The following SYNE1 variants were observed in gnomAD, a reference collection of about 807,000 sequenced individuals.
SYNE1 encodes spectrin repeat containing nuclear envelope protein 1.
SYNE1 carries 616 observed loss-of-function variants against 1,111.0 expected under a neutral mutation model. The ratio of observed to expected loss-of-function variants is 0.55; its 90% CI spans 0.52 to 0.59. SYNE1 has a LOEUF of 0.59. Among genes scored for constraint, SYNE1 ranks in the 20% least tolerant of loss-of-function variants. The pLI, the probability that SYNE1 is intolerant of heterozygous loss-of-function variation, is 0.00. For synonymous variants in SYNE1, 3,855 were observed against 3,825.8 expected (o/e 1.01, Z -0.28); for missense variants, 10,006 against 10,417.0 (o/e 0.96, Z 1.72).
intron 13 of SYNE1, among the ~76,000 whole-genome samples, chr6:152,484,155 T>G (rs1332220634): frequency 6.6e-6 from 1 of 151,666 alleles, no homozygotes; most frequent in East Asian, 1.9e-4. Flanking sequence ...GAAGCTGCAG[T>G]GAGCTGTGAT....
intron 14 of SYNE1, among the ~76,000 whole-genome samples, chr6:152,479,179 G>A (rs547083333): frequency 6.6e-6 from 1 of 152,196 alleles, no homozygotes; most frequent in East Asian, 1.9e-4. Context: ...TTGGGTGTAG[G>A]ACAGGATCCT....
intron 3 of SYNE1, among the ~76,000 whole-genome samples, chr6:152,551,551 A>T (rs950894743): frequency 5.9e-5 from 9 of 152,228 alleles, no homozygotes; most frequent in African/African-American, 2.2e-4. Flanking sequence ...AACAGGAATC[A>T]AAAAGAATTA....
At chr6:152,172,495 A>C (rs1032051481) in intron 130 of SYNE1, among the ~76,000 whole-genome samples, 6 of 152,180 alleles carry the variant, frequency 3.9e-5, no homozygotes, top group Non-Finnish European at 7.4e-5. Context: ...CCCTGCCCCC[A>C]AATCATCACA....
chr6:152,301,717 C>T, intron 92 of SYNE1, 152 bp downstream of exon 92: 4 of 799,078 alleles, frequency 5.0e-6, no homozygotes, highest in Non-Finnish European at 7.7e-6. Flanking sequence ...CCCGGCCCAA[C>T]GGTAGTCAAA....
intron 112 of SYNE1, among the ~76,000 whole-genome samples, chr6:152,233,397 G>A (rs2083240619): frequency 2.0e-5 from 3 of 151,650 alleles, no homozygotes; most frequent in East Asian, 1.9e-4. Flanking sequence ...GCGCGATCTC[G>A]GCTCACTCCA....
At chr6:152,146,082 G>T (rs2059462061) in intron 137 of SYNE1, 1 of 159,326 alleles carries the variant, frequency 6.3e-6, no homozygotes, top group East Asian at 1.7e-4. Context: ...GTTTTTATGA[G>T]CCAGGCTCTG....
At chr6:152,245,648 A>G (rs1269140236) in intron 105 of SYNE1, among the ~76,000 whole-genome samples, 2 of 152,188 alleles carry the variant, frequency 1.3e-5, no homozygotes, top group Non-Finnish European at 2.9e-5. Context: ...ATACATGATA[A>G]TTGACTTAGG....
At chr6:152,538,952 C>T (rs756734112) in intron 4 of SYNE1, among the ~76,000 whole-genome samples, 36 of 152,152 alleles carry the variant, frequency 2.4e-4, no homozygotes, top group Non-Finnish European at 4.6e-4. Context: ...TCTTCAAAGG[C>T]TAGCGCAGAC....
At chr6:152,556,618 G>C (rs914122058) in intron 3 of SYNE1, among the ~76,000 whole-genome samples, 1 of 152,134 alleles carries the variant, frequency 6.6e-6, no homozygotes. Context: ...CACCACAATG[G>C]ACCATAGTCC....
chr6:152,268,195 C>T, intron 99 of SYNE1, 30 bp from the exon 100 acceptor site: 1 of 1,551,296 alleles, frequency 6.4e-7, no homozygotes, highest in Non-Finnish European at 8.9e-7. Context: ...AACGCAAACA[C>T]ATTTGCTACT....
intron 70 of SYNE1, 83 bp downstream of exon 70, chr6:152,351,944 G>A (rs565762268): frequency 7.6e-7 from 1 of 1,313,028 alleles, no homozygotes; most frequent in East Asian, 2.3e-5. Context: ...GCTGTTACGG[G>A]TGACACCCAG....
chr6:152,224,950 T>C (rs1003619031), intron 116 of SYNE1, among the ~76,000 whole-genome samples: 1 of 146,538 alleles, frequency 6.8e-6, no homozygotes, highest in Non-Finnish European at 1.5e-5. Flanking sequence ...TGTATACACA[T>C]ATATATGTGT....
rs746505796 is a variant in SYNE1, at chr6:152,236,291, T to C, written c.20212A>G (p.Ser6738Gly). The change falls in exon 110 of 146, where the codon AGC becomes GGC. Residue 6738 changes from serine to glycine, a missense_variant. Around this residue, in one of 7 missense-constraint regions of SYNE1, gnomAD observed 2,182 missense variants for 2,287.8 expected, o/e 0.95. Coordinates refer to ENST00000367255, the MANE Select transcript of SYNE1 (RefSeq NM_182961.4). ...RITLYQHLKSSLNEYQPKLYQ... is the reference protein window; with the variant it reads ...RITLYQHLKSGLNEYQPKLYQ... ...AATTTGGGCTGGTATTCATTAAGGC[T>C]AGATTTTAAATGCTAAAATATTGAA... is the stretch of plus-strand genomic sequence containing the variant. 4 of 1,612,468 alleles carry C rather than the reference T, an allele frequency of 2.5e-6. No individual in the cohort carries two copies. In the South Asian group the frequency reaches 3.3e-5, roughly 13 times the overall value.
chr6:152,510,097 T>C (rs2099077376), intron 8 of SYNE1, 96 bp downstream of exon 8: 2 of 1,267,664 alleles, frequency 1.6e-6, no homozygotes, highest in Middle Eastern at 2.3e-4. Context: ...TTCATTCAAA[T>C]GTCTCTTCAC....
intron 3 of SYNE1, among the ~76,000 whole-genome samples, chr6:152,549,963 G>A (rs956937455): frequency 7.2e-5 from 11 of 152,210 alleles, no homozygotes; most frequent in Admixed American, 1.3e-4. Flanking sequence ...AATTATCTCC[G>A]TTCCTAAGTT....
Position 152,510,925 on chromosome 6 carries a change from T to C in SYNE1, c.402+86A>G, listed in dbSNP as rs549458776. 15 of 1,196,286 alleles carry C rather than the reference T, an allele frequency of 1.3e-5. No individual in the cohort carries two copies. In the African/African-American group the frequency reaches 1.5e-4, roughly 12 times the overall value. The allele number at this position is 1,196,286 out of a possible 1,614,324, so 74.1% of individuals were successfully genotyped here. ...AAGTTAAGGATCAACCCCAAAGATA[T>C]GGCAAATGAGAGCATTATTAAAATG... On this transcript the variant is annotated intron_variant, in intron 7 of 145. Transcript: ENST00000367255.
At chr6:152,601,791 G>T (rs2099596811) in intron 3 of SYNE1, among the ~76,000 whole-genome samples, 1 of 152,180 alleles carries the variant, frequency 6.6e-6, no homozygotes, top group Admixed American at 6.5e-5. Context: ...CCCAGCAGTA[G>T]ATGAAATGAG....
chr6:152,520,414 C>T (rs1488028306), intron 6 of SYNE1, 45 bp downstream of exon 6: 3 of 1,591,634 alleles, frequency 1.9e-6, no homozygotes, highest in Admixed American at 1.7e-5. Flanking sequence ...CATAAGTATG[C>T]CCACACCTTC....
chr6:152,442,064 C>T lies in SYNE1; in HGVS notation c.4008+11G>A. ...CCTCTGTTTAAATGGCCCCTAACTT[C>T]CGGCTCCTACCTGGATGCGGCGTTC... On this transcript the variant is annotated intron_variant, in intron 31 of 145. Transcript: ENST00000367255. The T allele has an allele frequency of 6.2e-7, 1 of 1,614,028 alleles. No homozygotes were observed. Among genetic ancestry groups the T allele is most frequent in the Non-Finnish European group, 8.5e-7 (1 of 1,180,046 alleles).
Sources: gnomAD v4.1 joint callset for allele counts (sites outside exome capture counted in the v4.1 genomes callset) on GRCh38, gnomAD v4.1.1 for gene constraint, gnomAD v4.1.1 regional missense constraint, MANE v1.5 for transcripts, NCBI Gene and HGNC (gene_info 2026-07-23, HGNC 2026-07-21) for gene names.